STN1: variants seen among roughly 807,000 people sequenced by gnomAD.
The protein encoded by STN1 is STN1 subunit of CST complex.
Under a neutral mutation model 45.5 loss-of-function variants are expected in STN1, and 29 were observed. The observed-to-expected ratio is 0.64, with a 90% CI of 0.47 to 0.87. STN1 has a LOEUF of 0.87. Among genes scored for constraint, STN1 ranks in the 40% least tolerant of loss-of-function variants. The pLI is 0.00. For synonymous variants in STN1, 148 were observed against 159.0 expected (o/e 0.93, Z 0.52); for missense variants, 376 against 441.4 (o/e 0.85, Z 1.33).
intron 9 of STN1, among the ~76,000 whole-genome samples, chr10:103,883,199 C>T (rs1276736896): frequency 6.6e-6 from 1 of 152,210 alleles, no homozygotes; most frequent in Non-Finnish European, 1.5e-5. Flanking sequence ...TGCCAAACCT[C>T]TAGTTTCTCA....
rs990805089 is a variant in STN1 at position 103,917,669 on chromosome 10, C to G, written c.-62-13G>C. ...CTGAGTCAAGCATCTAGATGGGACA[C>G]AGAAATGAGGATGCAATGCGTTTAA... On this transcript the variant is annotated splice_polypyrimidine_tract_variant and intron_variant, in intron 1 of 9. Transcript: ENST00000224950. 2 of 1,527,782 alleles carry G rather than the reference C, an allele frequency of 1.3e-6. No homozygotes were observed. The highest frequency in any genetic ancestry group is 1.8e-6 in the Non-Finnish European group (2 of 1,125,570). 94.6% of individuals were successfully genotyped at this position (1,527,782 alleles called of 1,614,324 possible). A position where few individuals can be genotyped will look rare whatever the true frequency, so the allele number is the denominator to read the frequency against.
rs1389781569 is a variant in STN1 at position 103,905,103 on chromosome 10, C to T, written c.283G>A (p.Glu95Lys). The T allele has an allele frequency of 8.7e-6, 14 of 1,613,756 alleles. No individual in the cohort carries two copies. Among genetic ancestry groups the T allele is most frequent in the Non-Finnish European group, 1.2e-5 (14 of 1,179,776 alleles). ...NCICWKKLNTESVSAAPSAAR... is the reference protein window; with the variant it reads ...NCICWKKLNTKSVSAAPSAAR... ...CAAATAAAATTACCTGATACAGACT[C>T]AGTATTCAACTTTTTCCAGCAGATG... Residue 95 changes from glutamate (E) to lysine (K), a missense_variant, in exon 4 of 10, where the codon GAG becomes AAG. Coordinates refer to ENST00000224950, the MANE Select transcript of STN1 (RefSeq NM_024928.5).
Position 103,888,332 on chromosome 10 carries a change from A to G in STN1, c.949+740T>C, listed in dbSNP as rs1233754855. On this transcript the variant is annotated intron_variant, in intron 9 of 9. Coordinates refer to ENST00000224950, the MANE Select transcript of STN1 (RefSeq NM_024928.5). ...ACAAACTTTTCCAACACTTCTTATTATAGTATGTGTTTGCAAAAGCTAGAC... is the reference window on the plus strand; with the variant it reads ...ACAAACTTTTCCAACACTTCTTATTGTAGTATGTGTTTGCAAAAGCTAGAC... Among the ~76,000 whole-genome samples the G allele has an allele frequency of 2.0e-5, 3 of 152,140 alleles. 1 individual carries two copies. Among genetic ancestry groups the G allele is most frequent in the African/African-American group, 7.2e-5 (3 of 41,422 alleles).
rs777761816 is a variant in STN1, at chr10:103,910,583, T to G, written c.173A>C (p.Asp58Ala). ...LYNGHPIKQV[D>A]VLGTVIGVRE... Reference sequence around the variant, plus strand: ...CACTCCAATGACAGTTCCCAAGACATCTACCTGTTTTATTGGATGTCCATT... The same window carrying G: ...CACTCCAATGACAGTTCCCAAGACAGCTACCTGTTTTATTGGATGTCCATT... Residue 58 changes from aspartate to alanine, a missense_variant, in exon 3 of 10, where the codon GAT becomes GCT. By Grantham distance (126) the Asp-to-Ala change is moderately radical. Coordinates refer to ENST00000224950, the MANE Select transcript of STN1 (RefSeq NM_024928.5). 2.5e-6 allele frequency: 4 copies of G among 1,611,138 alleles called. No individual in the cohort carries two copies. The highest frequency in any genetic ancestry group is 3.4e-6 in the Non-Finnish European group (4 of 1,177,696).
intron 4 of STN1, among the ~76,000 whole-genome samples, chr10:103,903,057 A>C (rs1843219287): frequency 2.0e-5 from 3 of 152,232 alleles, no homozygotes; most frequent in African/African-American, 7.2e-5. Context: ...TTAATTTTGA[A>C]AACTGAAACA....
intron 3 of STN1, among the ~76,000 whole-genome samples, chr10:103,905,510 G>A (rs1843234783): frequency 6.6e-6 from 1 of 152,202 alleles, no homozygotes; most frequent in Non-Finnish European, 1.5e-5. Context: ...AAAACTGAAT[G>A]ACTGCTCACA....
At chr10:103,907,005 C>T (rs1589501834) in intron 3 of STN1, among the ~76,000 whole-genome samples, 1 of 152,098 alleles carries the variant, frequency 6.6e-6, no homozygotes, top group East Asian at 1.9e-4. Context: ...ATGCCTGCTA[C>T]TTGGGGGGCT....
At chr10:103,888,970 T>C in intron 9 of STN1, 102 bp downstream of exon 9, 1 of 788,152 alleles carries the variant, frequency 1.3e-6, no homozygotes, top group Non-Finnish European at 2.2e-6. Flanking sequence ...AAGTCACTAC[T>C]GGGAAAAGTC....
chr10:103,889,878 T>C (rs571931161), intron 8 of STN1, among the ~76,000 whole-genome samples: 2 of 152,112 alleles, frequency 1.3e-5, no homozygotes, highest in South Asian at 4.2e-4. Context: ...AATTTTTGTA[T>C]TTTTAGTAGA....
Position 103,879,676 on chromosome 10 carries a change from G to A in STN1, c.*3008C>T, listed in dbSNP as rs1055595707. On this transcript the variant is annotated 3_prime_UTR_variant, in exon 10 of 10. Coordinates refer to ENST00000224950, the MANE Select transcript of STN1 (RefSeq NM_024928.5). ...TGGGGCAAGACCGAAGGCTGTAGGA[G>A]AGTGGGAGCATTAACAGGGTGGCAA... is the stretch of plus-strand genomic sequence containing the variant. The A allele has an allele frequency of 1.3e-5, 2 of 152,754 alleles. No homozygotes were observed. The highest frequency in any genetic ancestry group is 2.9e-5 in the Non-Finnish European group (2 of 68,450). The allele number at this position is 152,754 out of a possible 1,614,324, so 9.5% of individuals were successfully genotyped here. A position where few individuals can be genotyped will look rare whatever the true frequency, so the allele number is the denominator to read the frequency against.
chr10:103,905,117 T>G lies in STN1; in HGVS notation c.269A>C (p.Lys90Thr). 6.2e-7 allele frequency: 1 copy of G among 1,614,154 alleles called. No individual in the cohort carries two copies. Among genetic ancestry groups the G allele is most frequent in the South Asian group, 1.1e-5 (1 of 91,086 alleles). ...STGVINCICW[K>T]KLNTESVSAA... The stretch of plus-strand genomic sequence containing the variant: ...TGATACAGACTCAGTATTCAACTTT[T>G]TCCAGCAGATGCAGTTTATAACTCC... The change falls in exon 4 of 10, where the codon AAA becomes ACA. Residue 90 changes from lysine (K) to threonine (T), a missense_variant. Coordinates refer to ENST00000224950, the MANE Select transcript of STN1 (RefSeq NM_024928.5).
At chr10:103,891,452 G>T (rs1295997261) in intron 8 of STN1, among the ~76,000 whole-genome samples, 1 of 152,162 alleles carries the variant, frequency 6.6e-6, no homozygotes, top group African/African-American at 2.4e-5. Context: ...GACATTTTTG[G>T]TTGCCACAGT....
intron 8 of STN1, among the ~76,000 whole-genome samples, chr10:103,889,828 G>A (rs1338440554): frequency 6.6e-6 from 1 of 150,952 alleles, no homozygotes; most frequent in Admixed American, 6.6e-5. Context: ...TCAGCCTCCC[G>A]AGTAGCTGGG....
chr10:103,897,386 T>C (rs17116126), intron 7 of STN1, among the ~76,000 whole-genome samples, 162 bp downstream of exon 7: 5,245 of 152,090 alleles, frequency 0.034, 273 homozygotes, highest in African/African-American at 0.11. Context: ...TTCTTAGTAG[T>C]CAATGACCTT....
In STN1 at chr10:103,881,981, G is replaced by A. The variant is rs1843072160; in HGVS notation, c.*703C>T. On this transcript the variant is annotated 3_prime_UTR_variant, in exon 10 of 10. Transcript: ENST00000224950. ...ATCTTCAGGGGCATCGAGGGACAATGTATTTAGTCATGCACCTCTGTAAGT... is the reference window on the plus strand; with the variant it reads ...ATCTTCAGGGGCATCGAGGGACAATATATTTAGTCATGCACCTCTGTAAGT... 6.6e-6 allele frequency among the ~76,000 whole-genome samples: 1 copy of A among 152,250 alleles called. No individual in the cohort carries two copies. The highest frequency in any genetic ancestry group is 1.5e-5 in the Non-Finnish European group (1 of 68,048).
intron 2 of STN1, among the ~76,000 whole-genome samples, chr10:103,914,088 G>A (rs1843308682): frequency 6.6e-6 from 1 of 151,940 alleles, no homozygotes; most frequent in Non-Finnish European, 1.5e-5. Context: ...TTTAATCGAT[G>A]CTATGTTATT....
In STN1 at chr10:103,883,212, G is replaced by A. The variant is rs1001662176; in HGVS notation, c.950-371C>T. On this transcript the variant is annotated intron_variant, in intron 9 of 9. Coordinates refer to ENST00000224950, the MANE Select transcript of STN1 (RefSeq NM_024928.5). ...AGTGCCAAACCTCTAGTTTCTCAGG[G>A]AGGAGCCCTCTTGAAACTCACAGCA... Among the ~76,000 whole-genome samples the A allele has an allele frequency of 1.3e-5, 2 of 152,072 alleles. 1 individual carries two copies. The highest frequency in any genetic ancestry group is 2.9e-5 in the Non-Finnish European group (2 of 68,024).
intron 2 of STN1, among the ~76,000 whole-genome samples, chr10:103,912,403 T>C (rs989447626): frequency 6.6e-6 from 1 of 152,134 alleles, no homozygotes; most frequent in African/African-American, 2.4e-5. Flanking sequence ...ACTTAGTCTT[T>C]TCCATAACAC....
At position 103,892,142 on chromosome 10, in the gene STN1, A is replaced by G; in HGVS notation, c.864T>C (p.Asp288=). ...GCAAGTGTCTTACATAGTATAGGTT[A>G]TCAAAACCATCATCTTTCTGGAAAA... ...GLVFQKDDGF[D]NLYYVTREDK... is the part of the protein sequence containing the mutation. The change falls in exon 8 of 10, where the codon GAT becomes GAC. Residue 288 remains aspartate, a synonymous_variant. Transcript: ENST00000224950. The G allele has an allele frequency of 2.5e-6, 4 of 1,609,820 alleles. No individual in the cohort carries two copies. Among genetic ancestry groups the G allele is most frequent in the Non-Finnish European group, 3.4e-6 (4 of 1,178,870 alleles).
Sources: gnomAD v4.1 joint callset for allele counts (sites outside exome capture counted in the v4.1 genomes callset) on GRCh38, gnomAD v4.1.1 for gene constraint, MANE v1.5 for transcripts, NCBI Gene and HGNC (gene_info 2026-07-23, HGNC 2026-07-21) for gene names.